Variants in GRID2 observed in about 807,000 individuals in gnomAD.
The protein encoded by GRID2 is glutamate receptor ionotropic, delta-2.
In GRID2, 33 loss-of-function variants were observed where a neutral mutation model predicts 114.8. The ratio of observed to expected loss-of-function variants is 0.29; its 90% confidence interval spans 0.22 to 0.38. The LOEUF is 0.38. GRID2 is among the 10% of genes least tolerant of loss of function. The pLI, the probability that GRID2 is intolerant of heterozygous loss-of-function variation, is 1.00. For synonymous variants in GRID2, 505 were observed against 449.9 expected, an observed-to-expected ratio of 1.12 and a Z score of -1.55; for missense variants, 1,184 against 1,257.7, an observed-to-expected ratio of 0.94 and a Z score of 0.89.
intron 1 of GRID2, among the ~76,000 whole-genome samples, chr4:92,351,825 A>C (rs1290448006): frequency 6.6e-6 from 1 of 151,906 alleles, no homozygotes; most frequent in Non-Finnish European, 1.5e-5. Context: ...TTGTTGCTGC[A>C]GATGACAGGA....
At chr4:92,670,163 GATTA>G (rs1157511908) in intron 2 of GRID2, among the ~76,000 whole-genome samples, 1 of 152,150 alleles carries the variant, frequency 6.6e-6, no homozygotes. Flanking sequence ...AGTAGCCTTT[GATTA>G]ATCTATAATC....
intron 4 of GRID2, among the ~76,000 whole-genome samples, chr4:93,156,737 C>G (rs973102408): frequency 6.6e-6 from 1 of 151,610 alleles, no homozygotes; most frequent in African/African-American, 2.4e-5. Flanking sequence ...CGGGAGGGAT[C>G]CAGTAGACAG....
intron 2 of GRID2, among the ~76,000 whole-genome samples, chr4:92,812,607 C>T (rs141493597): frequency 6.6e-6 from 1 of 151,958 alleles, no homozygotes; most frequent in Non-Finnish European, 1.5e-5. Flanking sequence ...AATAAAGCAA[C>T]TTTATATGGT....
intron 4 of GRID2, among the ~76,000 whole-genome samples, chr4:93,199,361 G>T (rs534979077): frequency 5.3e-5 from 8 of 152,288 alleles, no homozygotes; most frequent in African/African-American, 1.9e-4. Context: ...ACACAGGAAA[G>T]TTGGTCTATG....
intron 8 of GRID2, among the ~76,000 whole-genome samples, chr4:93,296,777 CT>C (rs1754354854): frequency 6.6e-6 from 1 of 152,140 alleles, no homozygotes; most frequent in South Asian, 2.1e-4. Flanking sequence ...AGTCTAAATA[CT>C]TTTTGACAAT....
intron 8 of GRID2, among the ~76,000 whole-genome samples, chr4:93,313,268 T>C (rs936491540): frequency 2.0e-5 from 3 of 152,174 alleles, no homozygotes; most frequent in South Asian, 4.1e-4. Flanking sequence ...CAGAGAGAAC[T>C]GCCACTCTAG....
rs1395488053 is a variant in GRID2 at position 92,451,469 on chromosome 4, CACTT to C, written c.89-138659_89-138656del. On this transcript the variant is annotated intron_variant, in intron 1 of 15. Transcript: ENST00000282020. ...TTACATTTTTTTATAGTATATAAAT[CACTT>C]ACAACATGCAGATACACGCATACAA... Among the ~76,000 whole-genome samples the C allele has an allele frequency of 8.5e-5, 13 of 152,074 alleles. 1 individual carries two copies. In the South Asian group the frequency reaches 1.7e-3, roughly 19 times the overall value.
intron 8 of GRID2, among the ~76,000 whole-genome samples, chr4:93,298,151 T>C (rs17020349): frequency 0.054 from 8,240 of 152,228 alleles, 753 homozygotes; most frequent in African/African-American, 0.19. Flanking sequence ...GCAAACACCA[T>C]CATCATCCAT....
At chr4:92,754,259 A>T (rs1405442644) in intron 2 of GRID2, among the ~76,000 whole-genome samples, 1 of 152,188 alleles carries the variant, frequency 6.6e-6, no homozygotes, top group South Asian at 2.1e-4. Flanking sequence ...GTGGAAGAAC[A>T]GTTCAGGAGT....
chr4:92,859,855 A>G (rs947942378), intron 2 of GRID2, among the ~76,000 whole-genome samples: 3 of 152,112 alleles, frequency 2.0e-5, no homozygotes, highest in Non-Finnish European at 4.4e-5. Context: ...AAATTTCTTC[A>G]TTGTGGGCAT....
At chr4:93,076,829 G>A (rs1321818049) in intron 2 of GRID2, among the ~76,000 whole-genome samples, 1 of 151,838 alleles carries the variant, frequency 6.6e-6, no homozygotes, top group Non-Finnish European at 1.5e-5. Context: ...TGTTGGTCAG[G>A]CTGGTCTCGA....
intron 2 of GRID2, among the ~76,000 whole-genome samples, chr4:92,649,789 T>C (rs1480935965): frequency 6.1e-4 from 93 of 152,220 alleles, no homozygotes; most frequent in Admixed American, 6.0e-3. Flanking sequence ...GAGTAATTTT[T>C]ACTCTTGATA....
chr4:93,331,729 C>A (rs1016959699), intron 8 of GRID2, among the ~76,000 whole-genome samples: 1 of 152,044 alleles, frequency 6.6e-6, no homozygotes, highest in African/African-American at 2.4e-5. Flanking sequence ...TAGAGTCAGA[C>A]TGGTAGACTC....
chr4:92,783,886 CTAAT>C (rs112877186), intron 2 of GRID2, among the ~76,000 whole-genome samples: 8 of 149,950 alleles, frequency 5.3e-5, no homozygotes, highest in African/African-American at 1.9e-4. Flanking sequence ...AACACTCTCT[CTAAT>C]TAAAAAAAAA....
At chr4:92,391,278 C>T (rs769687760) in intron 1 of GRID2, among the ~76,000 whole-genome samples, 5 of 152,080 alleles carry the variant, frequency 3.3e-5, no homozygotes, top group Non-Finnish European at 7.4e-5. Flanking sequence ...ACTTCCAAGG[C>T]TCTTTACTTG....
chr4:93,368,635 T>C lies in GRID2; in HGVS notation c.1246-26972T>C, dbSNP rs115407137. Among the ~76,000 whole-genome samples, 1,174 of 152,250 alleles carry C rather than the reference T, an allele frequency of 7.7e-3. 16 individuals carry two copies. Among genetic ancestry groups the C allele is most frequent in the African/African-American group, 0.027 (1,118 of 41,544 alleles). Reference sequence around the variant, plus strand: ...TTATTTTTGAAATATCCAGATTAAATGTAGTTAAGTAAAACAATAAACTTT... The same window carrying C: ...TTATTTTTGAAATATCCAGATTAAACGTAGTTAAGTAAAACAATAAACTTT... On this transcript the variant is annotated intron_variant, in intron 8 of 15. Transcript: ENST00000282020.
chr4:92,642,817 A>T (rs1731423400), intron 2 of GRID2, among the ~76,000 whole-genome samples: 1 of 151,618 alleles, frequency 6.6e-6, no homozygotes, highest in Non-Finnish European at 1.5e-5. Context: ...TTTAATCTAC[A>T]TTGAGTTAAT....
chr4:93,564,713 A>T (rs1735247364), intron 13 of GRID2, among the ~76,000 whole-genome samples: 1 of 152,084 alleles, frequency 6.6e-6, no homozygotes, highest in African/African-American at 2.4e-5. Flanking sequence ...CTGGTCTTAT[A>T]AGTCAGTATC....
intron 3 of GRID2, among the ~76,000 whole-genome samples, chr4:93,094,283 A>G (rs1731019260): frequency 6.6e-6 from 1 of 152,216 alleles, no homozygotes; most frequent in African/African-American, 2.4e-5. Flanking sequence ...GGAGTGCAGT[A>G]TGTTTAAAAT....
Sources: allele counts gnomAD v4.1 joint callset (sites outside exome capture counted in the v4.1 genomes callset), GRCh38; gene constraint gnomAD v4.1.1; transcripts MANE v1.5; gene names NCBI Gene and HGNC (gene_info 2026-07-23, HGNC 2026-07-21).